The following PZP variants were observed in gnomAD, a reference collection of about 807,000 sequenced individuals.
The protein encoded by PZP is PZP alpha-2-macroglobulin like, also known as pregnancy zone protein.
A neutral mutation model predicts 179.8 loss-of-function variants in PZP; 150 were observed. That is an observed-to-expected ratio of 0.83 (90% CI 0.73 to 0.96). The LOEUF is 0.96. Ranked by LOEUF, PZP falls within the 40% of genes least tolerant of loss-of-function variation. PZP has a pLI of 0.00. For synonymous variants in PZP, 624 were observed against 652.3 expected, an observed-to-expected ratio of 0.96 and a Z score of 0.66; for missense variants, 1,689 against 1,764.0, an observed-to-expected ratio of 0.96 and a Z score of 0.76.
chr12:9,149,275 C>T (rs776062611), intron 35 of PZP, among the ~76,000 whole-genome samples: 2 of 152,260 alleles, frequency 1.3e-5, no homozygotes, highest in South Asian at 4.2e-4. Context: ...ATTAGTTGAC[C>T]ATTGTGTTGA....
the PZP span, among the ~76,000 whole-genome samples, chr12:9,143,400 G>A: frequency 2.6e-5 from 4 of 152,060 alleles, no homozygotes; most frequent in Admixed American, 2.6e-4. Flanking sequence ...CTGAGGGTTC[G>A]GACAGGCAAG....
chr12:9,186,051 C>A (rs1943098461), intron 13 of PZP, among the ~76,000 whole-genome samples: 1 of 151,990 alleles, frequency 6.6e-6, no homozygotes, highest in African/African-American at 2.4e-5. Context: ...CATGATCTGA[C>A]CACCTTGACC....
chr12:9,152,526 C>T (rs990660982), intron 31 of PZP, among the ~76,000 whole-genome samples: 1 of 152,166 alleles, frequency 6.6e-6, no homozygotes, highest in African/African-American at 2.4e-5. Flanking sequence ...TTAAGCATCA[C>T]CCCAAAACTA....
chr12:9,169,730 G>T, intron 15 of PZP, 139 bp from the exon 16 acceptor site: 1 of 748,424 alleles, frequency 1.3e-6, no homozygotes, highest in Non-Finnish European at 1.9e-6. Flanking sequence ...GATAGTTGAA[G>T]ATTTTCCTTA....
chr12:9,146,520 A>C (rs1940017434), downstream of PZP, among the ~76,000 whole-genome samples: 1 of 151,988 alleles, frequency 6.6e-6, no homozygotes, highest in African/African-American at 2.4e-5. Context: ...TCTAGAATGT[A>C]TTTTGTTCCT....
intron 1 of PZP, among the ~76,000 whole-genome samples, chr12:9,207,394 A>G (rs1467659298): frequency 6.6e-6 from 1 of 152,236 alleles, no homozygotes; most frequent in Non-Finnish European, 1.5e-5. Context: ...CAGCTGGGTT[A>G]AGGCCAGGGA....
intron 7 of PZP, among the ~76,000 whole-genome samples, chr12:9,200,043 G>A (rs1383526754): frequency 6.6e-6 from 1 of 152,076 alleles, no homozygotes; most frequent in Admixed American, 6.6e-5. Context: ...TCGCAGAAGT[G>A]GACAATGTCT....
At chr12:9,146,396 T>G (rs1940009228), downstream of PZP, among the ~76,000 whole-genome samples, 1 of 152,136 alleles carries the variant, frequency 6.6e-6, no homozygotes, top group South Asian at 2.1e-4. Context: ...GTGGTTTTGT[T>G]GAAATTCTCA....
rs986881466 is a variant in PZP at position 9,151,612 on chromosome 12, C to T, written c.4273G>A (p.Val1425Met). 7.4e-6 allele frequency: 12 copies of T among 1,613,670 alleles called. No homozygotes were observed. In the African/African-American group the frequency reaches 1.6e-4, roughly 22 times the overall value. ...EVSNNHVLIY[V>M]EQVTNQTLSF... ...GATGTCAGAGCCCTCACCTGTTCCA[C>T]ATAAATGAGGACATGGTTGTTGCTC... Residue 1425 changes from valine to methionine, a missense_variant, in exon 33 of 36, where the codon GTG becomes ATG. Transcript: ENST00000261336.
chr12:9,147,802 C>A (rs1940088659), downstream of PZP, among the ~76,000 whole-genome samples: 1 of 152,174 alleles, frequency 6.6e-6, no homozygotes, highest in Non-Finnish European at 1.5e-5. Context: ...GAACTCAGAA[C>A]CTATTATTAG....
At chr12:9,185,344 T>C (rs1175250697) in intron 13 of PZP, among the ~76,000 whole-genome samples, 1 of 152,096 alleles carries the variant, frequency 6.6e-6, no homozygotes, top group African/African-American at 2.4e-5. Flanking sequence ...AGCCACAAAA[T>C]TGACTTTCTG....
intron 5 of PZP, 131 bp downstream of exon 5, chr12:9,201,196 C>T: frequency 1.5e-6 from 2 of 1,355,834 alleles, no homozygotes; most frequent in Non-Finnish European, 2.1e-6. Flanking sequence ...TACAATCAAC[C>T]TGACAACTGG....
Position 9,163,761 on chromosome 12 carries a change from C to T in PZP, c.2643G>A (p.Glu881=). The stretch of plus-strand genomic sequence containing the variant: ...CACAGAGTTCTAAGGACTGCATTGC[C>T]TCTGCACTCACTGAGAAGTTCACAT... ...LGNVNFSVSA[E]AMQSLELCGN... is the part of the protein sequence containing the mutation. The change falls in exon 21 of 36, where the codon GAG becomes GAA. Residue 881 remains glutamate, a synonymous_variant. Coordinates refer to ENST00000261336, the MANE Select transcript of PZP (RefSeq NM_002864.3). 1.2e-6 allele frequency: 2 copies of T among 1,612,998 alleles called. No homozygotes were observed. The highest frequency in any genetic ancestry group is 2.2e-5 in the South Asian group (2 of 90,776).
intron 19 of PZP, 120 bp downstream of exon 19, chr12:9,165,019 C>G (rs987183224): frequency 1.7e-6 from 2 of 1,204,702 alleles, no homozygotes; most frequent in African/African-American, 3.0e-5. Flanking sequence ...ACTAATTATT[C>G]ACAGTGCTAA....
chr12:9,202,444 C>G lies in PZP; in HGVS notation c.428-73G>C, dbSNP rs191677051. ...ATTTGGGTAATAAGACAGGAGGCTA[C>G]GGGGCTAGGATAATGGAGACTTTGG... On this transcript the variant is annotated intron_variant, in intron 3 of 35. Transcript: ENST00000261336. 3.1e-6 allele frequency: 5 copies of G among 1,611,794 alleles called. No individual in the cohort carries two copies. The African/African-American group carries it at 6.7e-5, about 22-fold the overall frequency.
intron 13 of PZP, among the ~76,000 whole-genome samples, chr12:9,191,139 TATAG>T (rs1419289369): frequency 6.6e-6 from 1 of 152,132 alleles, no homozygotes; most frequent in Non-Finnish European, 1.5e-5. Context: ...CATTTTACTA[TATAG>T]AGATTTTCAT....
At chr12:9,191,549 A>G (rs1391134825) in intron 13 of PZP, among the ~76,000 whole-genome samples, 1 of 152,144 alleles carries the variant, frequency 6.6e-6, no homozygotes, top group Non-Finnish European at 1.5e-5. Context: ...CTACATAAAT[A>G]GAAAATATTA....
rs760800548 is a variant in PZP at position 9,200,361 on chromosome 12, C to A, written c.755+3G>T. 6.3e-7 allele frequency: 1 copy of A among 1,582,846 alleles called. No homozygotes were observed. The highest frequency in any genetic ancestry group is 1.4e-5 in the African/African-American group (1 of 74,038). On this transcript the variant is annotated splice_donor_region_variant and intron_variant, in intron 7 of 35. Coordinates refer to ENST00000261336, the MANE Select transcript of PZP (RefSeq NM_002864.3). ...AATTTTAGATAAAAACAATGTAACT[C>A]ACTCTCCACAGACTGTTATGTTCAC...
chr12:9,197,035 C>A lies in PZP; in HGVS notation c.844G>T (p.Val282Phe), dbSNP rs1214421653. ...ACCTGTTGACTGAATTCCTCACAGA[C>A]CTCCTGCTTGTCACAATTAAGAACA... ...SRVLNCDKQEVCEEFSQQLNS... is the reference protein window; with the variant it reads ...SRVLNCDKQEFCEEFSQQLNS... The change falls in exon 8 of 36, where the codon GTC (valine) becomes TTC (phenylalanine). Residue 282 changes from valine to phenylalanine, a missense_variant. Val to Phe is a conservative substitution (Grantham distance 50, BLOSUM62 -1). Around this residue, in one of 3 missense-constraint regions of PZP, gnomAD observed 742 missense variants for 730.5 expected, o/e 1.02. Transcript: ENST00000261336. 4 of 1,613,070 alleles carry A rather than the reference C, an allele frequency of 2.5e-6. No individual in the cohort carries two copies. Among genetic ancestry groups the A allele is most frequent in the South Asian group, 1.1e-5 (1 of 91,044 alleles).
Sources: allele counts gnomAD v4.1 joint callset (sites outside exome capture counted in the v4.1 genomes callset), GRCh38; gene constraint gnomAD v4.1.1; regional missense constraint gnomAD v4.1.1; transcripts MANE v1.5; gene names NCBI Gene and HGNC (gene_info 2026-07-23, HGNC 2026-07-21).